AFF3: variants seen among roughly 807,000 people sequenced by gnomAD.
The protein encoded by AFF3 is AF4/FMR2 family member 3.
A neutral mutation model predicts 129.7 loss-of-function variants in AFF3; 32 were observed. That is an observed-to-expected ratio of 0.25 (90% CI 0.19 to 0.33). AFF3 has a LOEUF of 0.33. AFF3 is among the 10% of genes least tolerant of loss of function. The pLI, the probability that AFF3 is intolerant of heterozygous loss-of-function variation, is 1.00. For missense variants in AFF3, 1,373 were observed against 1,592.0 expected (o/e 0.86, Z 2.34); for synonymous variants, 644 against 635.4 (o/e 1.01, Z -0.20).
Position 99,724,271 on chromosome 2 carries a change from CTTTTT to C in AFF3, c.1091+2801_1091+2805del, listed in dbSNP as rs58303232. ...TCCTCACTTCAGTGGAATGACCTTT[CTTTTT>C]TTTTTTTTTTTTTTGAGACACAGTC... On this transcript the variant is annotated intron_variant, in intron 11 of 24. Coordinates refer to ENST00000672756, the MANE Select transcript of AFF3 (RefSeq NM_001386135.1). 9.0e-5 allele frequency among the ~76,000 whole-genome samples: 6 copies of C among 66,862 alleles called. No homozygotes were observed. The East Asian group carries it at 2.8e-3, about 32-fold the overall frequency. The allele number at this position is 66,862 out of a possible 152,430, so 43.9% of individuals were successfully genotyped here.
chr2:99,835,102 C>T (rs536756449), intron 8 of AFF3, among the ~76,000 whole-genome samples: 2 of 152,126 alleles, frequency 1.3e-5, no homozygotes, highest in African/African-American at 2.4e-5. Flanking sequence ...TGGCCGTAAG[C>T]GCACCACCAA....
chr2:99,750,117 T>C (rs1022679164), intron 9 of AFF3, among the ~76,000 whole-genome samples: 3 of 152,216 alleles, frequency 2.0e-5, no homozygotes, highest in African/African-American at 7.2e-5. Flanking sequence ...TTAAACACTT[T>C]GCTAGTGTAA....
intron 4 of AFF3, among the ~76,000 whole-genome samples, chr2:100,016,748 C>A (rs1683140452): frequency 7.7e-6 from 1 of 129,354 alleles, no homozygotes; most frequent in Non-Finnish European, 1.6e-5. Flanking sequence ...TGGTGGTGAA[C>A]ATGTTAGTGA....
intron 12 of AFF3, among the ~76,000 whole-genome samples, chr2:99,651,072 C>A (rs1196288419): frequency 1.3e-5 from 2 of 151,038 alleles, no homozygotes; most frequent in East Asian, 4.0e-4. Flanking sequence ...ACTCGGGAGG[C>A]CAAGGCAGGA....
At chr2:100,112,528 C>A (rs996123260) in intron 2 of AFF3, 1 of 142,490 alleles carries the variant, frequency 7.0e-6, no homozygotes, top group Non-Finnish European at 1.6e-5. Flanking sequence ...CCTGTCCCTA[C>A]AAAAAATAAA....
chr2:99,893,322 T>C (rs1693708930), intron 7 of AFF3, among the ~76,000 whole-genome samples: 1 of 152,226 alleles, frequency 6.6e-6, no homozygotes, highest in African/African-American at 2.4e-5. Flanking sequence ...AAGCATTTAA[T>C]ACGTATGACT....
chr2:99,833,493 T>C (rs942166084), intron 8 of AFF3, among the ~76,000 whole-genome samples: 1 of 152,226 alleles, frequency 6.6e-6, no homozygotes, highest in African/African-American at 2.4e-5. Flanking sequence ...GATGTTACAC[T>C]GAAATTGTCT....
At chr2:99,934,549 G>A (rs1294458197) in intron 7 of AFF3, among the ~76,000 whole-genome samples, 1 of 152,134 alleles carries the variant, frequency 6.6e-6, no homozygotes, top group Admixed American at 6.5e-5. Context: ...CAGAAGCAGG[G>A]TAAGGAAAGG....
At chr2:99,700,805 C>T (rs1676774680) in intron 11 of AFF3, among the ~76,000 whole-genome samples, 1 of 152,120 alleles carries the variant, frequency 6.6e-6, no homozygotes, top group Non-Finnish European at 1.5e-5. Flanking sequence ...AAGATGGGGA[C>T]AGGGGGAAGG....
chr2:99,932,765 A>G (rs1251426320), intron 7 of AFF3, among the ~76,000 whole-genome samples: 1 of 152,246 alleles, frequency 6.6e-6, no homozygotes, highest in African/African-American at 2.4e-5. Flanking sequence ...TCTTAGGATA[A>G]GAAAATTCAT....
intron 7 of AFF3, among the ~76,000 whole-genome samples, chr2:99,982,561 T>C (rs1222051268): frequency 6.6e-6 from 1 of 152,078 alleles, no homozygotes; most frequent in East Asian, 1.9e-4. Flanking sequence ...AAAAATGCAA[T>C]CCAGCTTAGG....
intron 22 of AFF3, among the ~76,000 whole-genome samples, chr2:99,557,599 T>C (rs1675060933): frequency 6.6e-6 from 1 of 152,244 alleles, no homozygotes; most frequent in Non-Finnish European, 1.5e-5. Flanking sequence ...TCTTTAGTAG[T>C]AGATCTTACG....
intron 2 of AFF3, among the ~76,000 whole-genome samples, chr2:100,108,315 G>T (rs1298217794): frequency 6.6e-6 from 1 of 152,102 alleles, no homozygotes; most frequent in Non-Finnish European, 1.5e-5. Context: ...CTCTCCACAG[G>T]TATCTCTGAG....
chr2:99,792,695 C>T (rs1558856094), intron 8 of AFF3, among the ~76,000 whole-genome samples: 1 of 152,046 alleles, frequency 6.6e-6, no homozygotes, highest in Non-Finnish European at 1.5e-5. Context: ...TAAATTTTGC[C>T]AAATGCTTTT....
At chr2:100,004,627 A>G (rs1033628968) in intron 7 of AFF3, among the ~76,000 whole-genome samples, 1 of 152,218 alleles carries the variant, frequency 6.6e-6, no homozygotes, top group East Asian at 1.9e-4. Context: ...ATATTGAACA[A>G]TGCACCTGCG....
intron 8 of AFF3, among the ~76,000 whole-genome samples, chr2:99,789,358 G>A (rs1301455897): frequency 6.7e-6 from 1 of 149,780 alleles, no homozygotes; most frequent in Non-Finnish European, 1.5e-5. Flanking sequence ...TGGGGCGGGA[G>A]GATTGCTTGA....
At chr2:99,832,998 A>G (rs780299421) in intron 8 of AFF3, among the ~76,000 whole-genome samples, 2 of 152,264 alleles carry the variant, frequency 1.3e-5, no homozygotes, top group African/African-American at 2.4e-5. Flanking sequence ...GATTTGACCT[A>G]GGTCCAGCTC....
intron 18 of AFF3, among the ~76,000 whole-genome samples, chr2:99,570,718 CT>C (rs1471773270): frequency 6.6e-6 from 1 of 152,190 alleles, no homozygotes; most frequent in African/African-American, 2.4e-5. Context: ...GCCCAACCCA[CT>C]TAATCATATT....
chr2:100,005,564 C>T (rs1028467979), intron 7 of AFF3, among the ~76,000 whole-genome samples: 20 of 152,220 alleles, frequency 1.3e-4, no homozygotes, highest in Non-Finnish European at 1.5e-4. Flanking sequence ...ATAGAAATTA[C>T]ATTTTGCTTC....
Sources: allele counts gnomAD v4.1 joint callset (sites outside exome capture counted in the v4.1 genomes callset), GRCh38; gene constraint gnomAD v4.1.1; transcripts MANE v1.5; gene names NCBI Gene and HGNC (gene_info 2026-07-23, HGNC 2026-07-21).